Variants in TMTC2 observed in about 807,000 individuals in gnomAD.
TMTC2 encodes protein O-mannosyl-transferase TMTC2.
In TMTC2, 43 loss-of-function variants were observed where a neutral mutation model predicts 82.4. That is an observed-to-expected ratio of 0.52 (90% CI 0.41 to 0.67). TMTC2 has a LOEUF of 0.67. Among genes scored for constraint, TMTC2 ranks in the 30% least tolerant of loss-of-function variants. TMTC2 has a pLI of 0.00. For synonymous variants in TMTC2, 408 were observed against 381.9 expected (o/e 1.07, Z -0.80); for missense variants, 919 against 1,012.4 (o/e 0.91, Z 1.25).
intron 2 of TMTC2, among the ~76,000 whole-genome samples, chr12:82,864,953 G>A (rs927766256): frequency 8.0e-5 from 12 of 150,140 alleles, no homozygotes; most frequent in Non-Finnish European, 1.3e-4. Context: ...AGTGGCTCAC[G>A]CCTGTAATCC....
At chr12:82,755,855 A>G (rs1876289975) in intron 1 of TMTC2, among the ~76,000 whole-genome samples, 1 of 151,886 alleles carries the variant, frequency 6.6e-6, no homozygotes, top group Non-Finnish European at 1.5e-5. Context: ...TGTTGTTAGT[A>G]TTTTTCTTAA....
intron 9 of TMTC2, among the ~76,000 whole-genome samples, chr12:83,034,927 A>G (rs1433696216): frequency 2.0e-5 from 3 of 152,222 alleles, no homozygotes; most frequent in Non-Finnish European, 2.9e-5. Context: ...CTGGTTATAG[A>G]TATTCTTAGA....
At chr12:82,720,976 CTG>C (rs1874181420) in intron 1 of TMTC2, among the ~76,000 whole-genome samples, 1 of 152,180 alleles carries the variant, frequency 6.6e-6, no homozygotes, top group African/African-American at 2.4e-5. Flanking sequence ...CTCACCTCTG[CTG>C]TGTTTTAGCT....
At chr12:82,718,092 T>G (rs965363742) in intron 1 of TMTC2, among the ~76,000 whole-genome samples, 6 of 152,160 alleles carry the variant, frequency 3.9e-5, no homozygotes, top group Non-Finnish European at 7.3e-5. Flanking sequence ...GTTATTTATA[T>G]CCTACTGCTC....
chr12:82,855,212 A>T (rs1050186493), intron 1 of TMTC2, among the ~76,000 whole-genome samples: 1 of 152,230 alleles, frequency 6.6e-6, no homozygotes, highest in African/African-American at 2.4e-5. Context: ...CTAGAATACT[A>T]ACTCAGTTAT....
At chr12:82,827,473 C>T (rs138876347) in intron 1 of TMTC2, among the ~76,000 whole-genome samples, 10 of 152,218 alleles carry the variant, frequency 6.6e-5, no homozygotes, top group African/African-American at 9.6e-5. Flanking sequence ...CAAATTATTA[C>T]GGCTTAAGTG....
At chr12:82,899,163 A>C (rs2137185737) in intron 3 of TMTC2, among the ~76,000 whole-genome samples, 1 of 152,240 alleles carries the variant, frequency 6.6e-6, no homozygotes, top group Non-Finnish European at 1.5e-5. Context: ...TAGCTAAATA[A>C]ATGTACAGCT....
chr12:82,913,945 A>T (rs1423852342), intron 3 of TMTC2, among the ~76,000 whole-genome samples: 6 of 152,158 alleles, frequency 3.9e-5, no homozygotes, highest in Non-Finnish European at 8.8e-5. Context: ...AAATCCCACA[A>T]ATACTGTATT....
intron 4 of TMTC2, among the ~76,000 whole-genome samples, chr12:82,952,261 A>G (rs1234545394): frequency 6.6e-6 from 1 of 152,050 alleles, no homozygotes; most frequent in Non-Finnish European, 1.5e-5. Context: ...ATCTGTGACC[A>G]CTCTGATGTC....
chr12:82,864,255 A>C (rs114380075), intron 2 of TMTC2, among the ~76,000 whole-genome samples: 2,074 of 152,092 alleles, frequency 0.014, 52 homozygotes, highest in African/African-American at 0.048. Context: ...GGCTCCCAAA[A>C]TGTTGGGAAA....
chr12:82,728,182 G>A lies in TMTC2; in HGVS notation c.83+40513G>A, dbSNP rs534453685. Among the ~76,000 whole-genome samples, 5 of 151,954 alleles carry A rather than the reference G, an allele frequency of 3.3e-5. No homozygotes were observed. In the South Asian group the frequency reaches 8.3e-4, roughly 25 times the overall value. ...AACAACTGCTTACTTGGTTAGGTAG[G>A]GTGCCTGGTTCTCTGCTGGCCCTCT... On this transcript the variant is annotated intron_variant, in intron 1 of 11. Coordinates refer to ENST00000321196, the MANE Select transcript of TMTC2 (RefSeq NM_152588.3).
chr12:82,862,731 T>G (rs1356771403), intron 2 of TMTC2, among the ~76,000 whole-genome samples: 1 of 152,214 alleles, frequency 6.6e-6, no homozygotes, highest in African/African-American at 2.4e-5. Flanking sequence ...AAGTGAATGA[T>G]GGAGGTTGCC....
chr12:82,708,948 G>T (rs1592863468), intron 1 of TMTC2, among the ~76,000 whole-genome samples: 1 of 152,248 alleles, frequency 6.6e-6, no homozygotes, highest in Non-Finnish European at 1.5e-5. Context: ...TTCTGTGATT[G>T]AGGTTTTGAC....
intron 1 of TMTC2, among the ~76,000 whole-genome samples, chr12:82,851,093 T>C (rs780568746): frequency 1.3e-5 from 2 of 151,800 alleles, no homozygotes; most frequent in Non-Finnish European, 2.9e-5. Context: ...TGTGTTTGCA[T>C]TGATGGCTAG....
At chr12:82,916,268 G>A (rs149316928) in intron 3 of TMTC2, among the ~76,000 whole-genome samples, 1 of 152,274 alleles carries the variant, frequency 6.6e-6, no homozygotes, top group African/African-American at 2.4e-5. Flanking sequence ...TGTGATTTGA[G>A]GAGAGCCTCA....
chr12:82,788,667 A>G (rs1318176044), intron 1 of TMTC2, among the ~76,000 whole-genome samples: 1 of 152,152 alleles, frequency 6.6e-6, no homozygotes, highest in East Asian at 1.9e-4. Context: ...TTTCATGTTC[A>G]GGAGCTAATG....
At chr12:82,770,839 G>A (rs1003310580) in intron 1 of TMTC2, among the ~76,000 whole-genome samples, 7 of 151,944 alleles carry the variant, frequency 4.6e-5, no homozygotes, top group African/African-American at 1.7e-4. Context: ...TTATCTATTT[G>A]CCCTATCAAA....
intron 11 of TMTC2, among the ~76,000 whole-genome samples, chr12:83,127,952 C>T (rs1179509511): frequency 6.6e-6 from 1 of 152,120 alleles, no homozygotes; most frequent in African/African-American, 2.4e-5. Context: ...TTCAGTATGG[C>T]TGCCAGTCAG....
At chr12:82,777,902 C>G (rs901709529) in intron 1 of TMTC2, among the ~76,000 whole-genome samples, 2 of 152,080 alleles carry the variant, frequency 1.3e-5, no homozygotes, top group African/African-American at 2.4e-5. Context: ...TGCCCAGATG[C>G]TTCCCTTTCT....
Sources: gnomAD v4.1 joint callset for allele counts (sites outside exome capture counted in the v4.1 genomes callset) on GRCh38, gnomAD v4.1.1 for gene constraint, MANE v1.5 for transcripts, NCBI Gene and HGNC (gene_info 2026-07-23, HGNC 2026-07-21) for gene names.